Variants in WDR72 observed in about 807,000 individuals in gnomAD.
WDR72 encodes WD repeat-containing protein 72.
A neutral mutation model predicts 124.2 loss-of-function variants in WDR72; 120 were observed. The ratio of observed to expected loss-of-function variants is 0.97; its 90% confidence interval spans 0.83 to 1.12. WDR72 has a LOEUF of 1.12. Among genes scored for constraint, WDR72 ranks in the 50% most tolerant of loss-of-function variants. The pLI is 0.00. For missense variants in WDR72, 1,387 were observed against 1,278.8 expected, an observed-to-expected ratio of 1.08 and a Z score of -1.29; for synonymous variants, 452 against 441.7, an observed-to-expected ratio of 1.02 and a Z score of -0.29.
intron 13 of WDR72, among the ~76,000 whole-genome samples, chr15:53,693,188 A>C (rs1393889654): frequency 1.3e-5 from 2 of 152,224 alleles, no homozygotes; most frequent in African/African-American, 4.8e-5. Flanking sequence ...ATAGTTGGTC[A>C]CTAGTGTAAT....
intron 14 of WDR72, among the ~76,000 whole-genome samples, chr15:53,641,564 T>C (rs558481873): frequency 4.6e-5 from 7 of 152,148 alleles, no homozygotes; most frequent in African/African-American, 1.7e-4. Flanking sequence ...ATTAAATATA[T>C]AGAGTTGTGA....
At chr15:53,518,721 G>A (rs1339536533) in intron 19 of WDR72, among the ~76,000 whole-genome samples, 1 of 149,934 alleles carries the variant, frequency 6.7e-6, no homozygotes, top group Non-Finnish European at 1.5e-5. Context: ...CCTACTTTCT[G>A]TTACCTGATT....
intron 1 of WDR72, among the ~76,000 whole-genome samples, chr15:53,753,433 C>A (rs1412276531): frequency 6.6e-6 from 1 of 152,216 alleles, no homozygotes; most frequent in East Asian, 1.9e-4. Flanking sequence ...CTAGCAGAAG[C>A]TAGGCCAAAA....
chr15:53,705,901 G>A (rs755044075), intron 10 of WDR72, 26 bp downstream of exon 10: 1 of 1,613,544 alleles, frequency 6.2e-7, no homozygotes, highest in Non-Finnish European at 8.5e-7. Context: ...CAGAAGACAT[G>A]TTACTAGAAA....
intron 14 of WDR72, among the ~76,000 whole-genome samples, chr15:53,621,945 C>T (rs2014012450): frequency 6.6e-6 from 1 of 152,010 alleles, no homozygotes; most frequent in Non-Finnish European, 1.5e-5. Flanking sequence ...CAAACAACCC[C>T]ATTAAAATGT....
At chr15:53,726,368 A>C (rs1182260321) in intron 2 of WDR72, among the ~76,000 whole-genome samples, 5 of 143,594 alleles carry the variant, frequency 3.5e-5, no homozygotes, top group Non-Finnish European at 7.6e-5. Context: ...GGCGGGGCTG[A>C]TCAGGTATTT....
At chr15:53,756,442 G>A (rs905649501) in intron 1 of WDR72, among the ~76,000 whole-genome samples, 1 of 152,068 alleles carries the variant, frequency 6.6e-6, no homozygotes, top group African/African-American at 2.4e-5. Flanking sequence ...TAATACATGG[G>A]CCCTCACAAC....
At chr15:53,667,312 C>T (rs1595832535) in intron 13 of WDR72, among the ~76,000 whole-genome samples, 1 of 152,258 alleles carries the variant, frequency 6.6e-6, no homozygotes, top group Middle Eastern at 3.4e-3. Flanking sequence ...CAGGATCACG[C>T]CACTGCACTC....
upstream of WDR72, among the ~76,000 whole-genome samples, chr15:53,761,262 A>G (rs1180621076): frequency 3.3e-5 from 5 of 152,170 alleles, no homozygotes; most frequent in African/African-American, 1.2e-4. Flanking sequence ...CAAAACTACA[A>G]TGGGATATCA....
At chr15:53,605,591 A>C (rs1028198222) in intron 17 of WDR72, among the ~76,000 whole-genome samples, 1 of 152,256 alleles carries the variant, frequency 6.6e-6, no homozygotes, top group African/African-American at 2.4e-5. Flanking sequence ...ATGGTGGTTC[A>C]CACCTGTAAT....
In WDR72 at chr15:53,616,133, T is replaced by G; in HGVS notation, c.2073A>C (p.Glu691Asp). ...CACTGAGTGGAGTTGGTAGCAAAAG[T>G]TCAACAAGGTTTTCCAGATCAAATA... ...ILLFDLENLV[E>D]LLLPTPLSDV... The change falls in exon 15 of 20, where the codon GAA becomes GAC. Residue 691 changes from glutamate to aspartate, a missense_variant. Coordinates refer to ENST00000360509, the MANE Select transcript of WDR72 (RefSeq NM_182758.4). 6.2e-7 allele frequency: 1 copy of G among 1,604,156 alleles called. No individual in the cohort carries two copies. Among genetic ancestry groups the G allele is most frequent in the Non-Finnish European group, 8.5e-7 (1 of 1,174,442 alleles).
chr15:53,597,184 A>G lies in WDR72; in HGVS notation c.3043T>C (p.Ser1015Pro). Residue 1015 changes from serine (S) to proline (P), a missense_variant, in exon 18 of 20, where the codon TCC becomes CCC. Coordinates refer to ENST00000360509, the MANE Select transcript of WDR72 (RefSeq NM_182758.4). ...GKIPVNSQPVSMAENGNCEMK... is the reference protein window; with the variant it reads ...GKIPVNSQPVPMAENGNCEMK... ...TCACAGTTACCATTCTCTGCCATGG[A>G]CACTGGTTGACTATTGACGGGTATC... is the stretch of plus-strand genomic sequence containing the variant. 6.2e-7 allele frequency: 1 copy of G among 1,613,924 alleles called. No homozygotes were observed. Among genetic ancestry groups the G allele is most frequent in the Non-Finnish European group, 8.5e-7 (1 of 1,179,894 alleles).
Position 53,694,648 on chromosome 15 carries a change from C to T in WDR72, c.1765+5102G>A, listed in dbSNP as rs570507355. ...TGCATTGCACGATAAGTGAAGAACA[C>T]ACCAGAATGGAAGAAGGAGACATAT... On this transcript the variant is annotated intron_variant, in intron 13 of 19. Transcript: ENST00000360509. Among the ~76,000 whole-genome samples the T allele has an allele frequency of 2.0e-5, 3 of 152,266 alleles. No individual in the cohort carries two copies. In the South Asian group the frequency reaches 6.2e-4, roughly 32 times the overall value.
At chr15:53,659,225 G>T (rs1351601606) in intron 14 of WDR72, among the ~76,000 whole-genome samples, 1 of 152,128 alleles carries the variant, frequency 6.6e-6, no homozygotes, top group Admixed American at 6.6e-5. Context: ...GCCTGTGGAC[G>T]CTGAAAATAA....
chr15:53,649,959 T>C (rs983815718), intron 14 of WDR72, among the ~76,000 whole-genome samples: 2 of 152,104 alleles, frequency 1.3e-5, no homozygotes, highest in Non-Finnish European at 2.9e-5. Context: ...TCCAAAAGAA[T>C]TAAAATCAGG....
intron 13 of WDR72, among the ~76,000 whole-genome samples, chr15:53,686,575 C>T (rs1357831441): frequency 6.6e-6 from 1 of 151,568 alleles, no homozygotes; most frequent in African/African-American, 2.4e-5. Flanking sequence ...TCCTGAGTGA[C>T]CTACAAAGAG....
intron 18 of WDR72, among the ~76,000 whole-genome samples, chr15:53,547,773 T>C (rs1893544556): frequency 6.6e-6 from 1 of 152,158 alleles, no homozygotes; most frequent in South Asian, 2.1e-4. Flanking sequence ...CTGCCCATCC[T>C]GTGGCCATAC....
intron 18 of WDR72, among the ~76,000 whole-genome samples, chr15:53,553,385 T>C (rs1893812727): frequency 6.6e-6 from 1 of 152,114 alleles, no homozygotes; most frequent in Non-Finnish European, 1.5e-5. Flanking sequence ...ACCCAGGTTG[T>C]GGGTGCTGCA....
At chr15:53,647,216 C>T (rs1039997679) in intron 14 of WDR72, among the ~76,000 whole-genome samples, 4 of 151,986 alleles carry the variant, frequency 2.6e-5, no homozygotes, top group Non-Finnish European at 5.9e-5. Context: ...ACTCAGACAC[C>T]AAATTCTGAA....
Sources: allele counts gnomAD v4.1 joint callset (sites outside exome capture counted in the v4.1 genomes callset), GRCh38; gene constraint gnomAD v4.1.1; transcripts MANE v1.5; gene names NCBI Gene and HGNC (gene_info 2026-07-23, HGNC 2026-07-21).